Variants in BRD3 observed in about 807,000 individuals in gnomAD.
The protein encoded by BRD3 is bromodomain-containing protein 3.
BRD3 carries 17 observed loss-of-function variants against 66.8 expected under a neutral mutation model. That is an observed-to-expected ratio of 0.25 (90% confidence interval 0.17 to 0.38). BRD3 has a LOEUF of 0.38. Ranked by LOEUF, BRD3 falls within the 10% of genes least tolerant of loss-of-function variation. The probability of loss-of-function intolerance (pLI) is 1.00; values close to 1 mark genes in which losing one functional copy is unlikely to be tolerated. For synonymous variants in BRD3, 421 were observed against 393.2 expected, an observed-to-expected ratio of 1.07 and a Z score of -0.84; for missense variants, 713 against 956.1, an observed-to-expected ratio of 0.75 and a Z score of 3.35.
chr9:134,033,296 C>T lies in BRD3; in HGVS notation c.*294G>A. 1 of 430,140 alleles carries T rather than the reference C, an allele frequency of 2.3e-6. No homozygotes were observed. Among genetic ancestry groups the T allele is most frequent in the Non-Finnish European group, 4.1e-6 (1 of 244,368 alleles). The allele number at this position is 430,140 out of a possible 1,614,324, so 26.6% of individuals were successfully genotyped here. A position where few individuals can be genotyped will look rare whatever the true frequency, so the allele number is the denominator to read the frequency against. On this transcript the variant is annotated 3_prime_UTR_variant, in exon 12 of 12. Coordinates refer to ENST00000303407, the MANE Select transcript of BRD3 (RefSeq NM_007371.4). The surrounding 1 kb of genome is among the most constrained non-coding windows in gnomAD (Gnocchi z 5.1). Reference sequence around the variant, plus strand: ...TTCCACAAGGTTCTTCGGTACGAATCTCACACGGTTTTCTGGGGTCATCGG... The same window carrying T: ...TTCCACAAGGTTCTTCGGTACGAATTTCACACGGTTTTCTGGGGTCATCGG...
At chr9:134,046,358 G>A (rs368217993) in intron 6 of BRD3, among the ~76,000 whole-genome samples, 70 of 152,298 alleles carry the variant, frequency 4.6e-4, no homozygotes, top group African/African-American at 1.4e-3. Context: ...ACCTTGTCGG[G>A]GACCTCGAGG....
intron 1 of BRD3, among the ~76,000 whole-genome samples, chr9:134,067,370 G>T (rs961070220): frequency 2.0e-5 from 3 of 151,102 alleles, no homozygotes; most frequent in Admixed American, 2.0e-4. Context: ...CCCGGCCGCG[G>T]CGCGCGGCGA....
intron 8 of BRD3, among the ~76,000 whole-genome samples, chr9:134,040,530 A>G (rs2132394890): frequency 6.6e-6 from 1 of 152,328 alleles, no homozygotes; most frequent in Non-Finnish European, 1.5e-5. Flanking sequence ...CGCGGGTGGC[A>G]CAACAGGGAC....
At chr9:134,053,640 C>T in intron 1 of BRD3, 50 bp from the exon 2 acceptor site, 1 of 1,418,454 alleles carries the variant, frequency 7.0e-7, no homozygotes, top group Non-Finnish European at 9.2e-7. Flanking sequence ...CCCCGGGGAC[C>T]CCCACCTCTC....
chr9:134,067,144 G>A (rs1033501129), intron 1 of BRD3, among the ~76,000 whole-genome samples: 1 of 152,254 alleles, frequency 6.6e-6, no homozygotes, highest in African/African-American at 2.4e-5. Context: ...CCCCCCAAAA[G>A]TGGGAAGGAG....
Position 134,045,010 on chromosome 9 carries a change from C to A in BRD3, c.1215+283G>T, listed in dbSNP as rs1394616469. Among the ~76,000 whole-genome samples the A allele has an allele frequency of 1.3e-5, 2 of 152,220 alleles. No homozygotes were observed. The highest frequency in any genetic ancestry group is 3.9e-4 in the East Asian group (2 of 5,194). On this transcript the variant is annotated intron_variant, in intron 7 of 11. Transcript: ENST00000303407. The surrounding 1 kb of genome is among the most constrained non-coding windows in gnomAD (Gnocchi z 4.8). Reference sequence around the variant, plus strand: ...AGAGCATCTGCCGTCCCACCTGGTACACGCACCAGTCCCTGGAGGGAAAGA... The same window carrying A: ...AGAGCATCTGCCGTCCCACCTGGTAAACGCACCAGTCCCTGGAGGGAAAGA...
chr9:134,063,179 C>T (rs971111783), intron 1 of BRD3, among the ~76,000 whole-genome samples: 23 of 152,262 alleles, frequency 1.5e-4, no homozygotes, highest in African/African-American at 5.3e-4. Context: ...TCACCCCCAA[C>T]CACAAATGCC....
In BRD3 at chr9:134,041,965, G is replaced by A. The variant is rs200449573; in HGVS notation, c.1216-14C>T. ...CTCAAACACGTCCTGCGGCAGAACA[G>A]AGGCTGCCCTGAAGACATGGGTGCC... On this transcript the variant is annotated splice_polypyrimidine_tract_variant and intron_variant, in intron 7 of 11. Coordinates refer to ENST00000303407, the MANE Select transcript of BRD3 (RefSeq NM_007371.4). 43 of 1,557,850 alleles carry A rather than the reference G, an allele frequency of 2.8e-5. No homozygotes were observed. In the East Asian group the frequency reaches 3.0e-4, roughly 11 times the overall value.
intron 9 of BRD3, 55 bp downstream of exon 9, chr9:134,039,979 C>T (rs1275426545): frequency 2.6e-6 from 4 of 1,533,866 alleles, no homozygotes; most frequent in Non-Finnish European, 3.5e-6. Context: ...CTACATGAGC[C>T]CCCATGGCGT....
At chr9:134,051,889 GTTTTTTTTTT>G (rs886259053) in intron 3 of BRD3, among the ~76,000 whole-genome samples, 180 bp from the exon 4 acceptor site, 2 of 59,040 alleles carry the variant, frequency 3.4e-5, no homozygotes, top group Admixed American at 3.3e-4. Context: ...TGTTTTTTTT[GTTTTTTTTTT>G]TTTTTTTTTG....
intron 1 of BRD3, among the ~76,000 whole-genome samples, chr9:134,056,350 C>G (rs1830425509): frequency 6.6e-6 from 1 of 152,226 alleles, no homozygotes; most frequent in Admixed American, 6.5e-5. Flanking sequence ...GTATAAAAAG[C>G]CCCTGGCACA....
Position 134,051,069 on chromosome 9 carries a change from G to A in BRD3, c.500-481C>T, listed in dbSNP as rs77501455. Among the ~76,000 whole-genome samples, 460 of 152,298 alleles carry A rather than the reference G, an allele frequency of 3.0e-3. 2 individuals are homozygous for A. Among genetic ancestry groups the A allele is most frequent in the African/African-American group, 0.01 (436 of 41,552 alleles). ...TGCATGCCGGGTTCCCAGGCCAGGT[G>A]GGATCCTGGGGCTCACGACACTAAT... On this transcript the variant is annotated intron_variant, in intron 4 of 11. Transcript: ENST00000303407.
chr9:134,068,180 G>GCGCCCCCGCCCGCCCCGC (rs1564564401), upstream of BRD3: 1 of 144,194 alleles, frequency 6.9e-6, no homozygotes, highest in East Asian at 2.1e-4. Flanking sequence ...CCCCGCCCCG[G>GCGCCCCCGCCCGCCCCGC]GGGCCCCCGC....
rs749861087 is a variant in BRD3 at position 134,031,842 on chromosome 9, G to C, written c.*1748C>G. The C allele has an allele frequency of 5.4e-5, 12 of 222,100 alleles. No homozygotes were observed. Among genetic ancestry groups the C allele is most frequent in the African/African-American group, 9.0e-5 (4 of 44,582 alleles). 13.8% of individuals were successfully genotyped at this position (222,100 alleles called of 1,614,324 possible). On this transcript the variant is annotated 3_prime_UTR_variant, in exon 12 of 12. Coordinates refer to ENST00000303407, the MANE Select transcript of BRD3 (RefSeq NM_007371.4). The stretch of plus-strand genomic sequence containing the variant: ...AGACCACACCACAGCTCCATACCCA[G>C]CGTCTGCCTGGAGGCTCCCCCACGC...
intron 10 of BRD3, among the ~76,000 whole-genome samples, chr9:134,035,202 C>T (rs1843580912): frequency 6.6e-6 from 1 of 152,244 alleles, no homozygotes; most frequent in Non-Finnish European, 1.5e-5. Flanking sequence ...AGGGCCGCTG[C>T]TCTCCATCTG....
chr9:134,036,486 C>T, intron 9 of BRD3, 162 bp from the exon 10 acceptor site: 1 of 1,580,528 alleles, frequency 6.3e-7, no homozygotes, highest in Non-Finnish European at 8.6e-7. Flanking sequence ...AGAAAAGTCG[C>T]TCCCAGCTGC....
At chr9:134,054,694 G>A (rs753829434) in intron 1 of BRD3, among the ~76,000 whole-genome samples, 1 of 152,184 alleles carries the variant, frequency 6.6e-6, no homozygotes, top group Non-Finnish European at 1.5e-5. Flanking sequence ...ACTTGTAGAC[G>A]CTCGGGGCAG....
rs920678738 is a variant in BRD3 at position 134,066,108 on chromosome 9, A to G, written c.-114+1837T>C. ...AATGGAGTGACTGCCCACTCGGAGA[A>G]AGCTTTTGAAATCCCTCCTCCCCGG... On this transcript the variant is annotated intron_variant, in intron 1 of 11. Transcript: ENST00000303407. Among the ~76,000 whole-genome samples the G allele has an allele frequency of 7.2e-5, 11 of 152,200 alleles. No homozygotes were observed. In the East Asian group the frequency reaches 7.7e-4, roughly 11 times the overall value.
intron 9 of BRD3, among the ~76,000 whole-genome samples, chr9:134,038,153 TTTTTTTTC>T (rs1829968000): frequency 6.6e-6 from 1 of 152,062 alleles, no homozygotes; most frequent in African/African-American, 2.4e-5. Context: ...CTTTCAAATC[TTTTTTTTC>T]TTTTTTTCTC....
Sources: allele counts gnomAD v4.1 joint callset (sites outside exome capture counted in the v4.1 genomes callset), GRCh38; gene constraint gnomAD v4.1.1; non-coding constraint Gnocchi (gnomAD v3.1); transcripts MANE v1.5; gene names NCBI Gene and HGNC (gene_info 2026-07-23, HGNC 2026-07-21).